The following RANBP9 variants were observed in gnomAD, a reference collection of about 807,000 sequenced individuals.
RANBP9 encodes RAN binding protein 9, also known as ran-binding protein 9.
Under a neutral mutation model 84.3 loss-of-function variants are expected in RANBP9, and 15 were observed. That is an observed-to-expected ratio of 0.18 (90% CI 0.12 to 0.27). The LOEUF (loss-of-function observed/expected upper bound fraction) is 0.27. RANBP9 is among the 10% of genes least tolerant of loss of function. The pLI is 1.00. For missense variants in RANBP9, 809 were observed against 912.8 expected (o/e 0.89, Z 1.46); for synonymous variants, 392 against 349.6 (o/e 1.12, Z -1.35).
rs986317038 is a variant in RANBP9, at chr6:13,641,008, C to T, written c.1334+191G>A. 4.6e-5 allele frequency among the ~76,000 whole-genome samples: 7 copies of T among 152,174 alleles called. No homozygotes were observed. In the East Asian group the frequency reaches 1.2e-3, roughly 25 times the overall value. ...ATAAAAGCAAATACATAGCAAAAGA[C>T]ACCTTCTGCTTATGGTCCTTAACAC... is the stretch of plus-strand genomic sequence containing the variant. On this transcript the variant is annotated intron_variant, in intron 8 of 13. Coordinates refer to ENST00000011619, the MANE Select transcript of RANBP9 (RefSeq NM_005493.3).
intron 13 of RANBP9, among the ~76,000 whole-genome samples, chr6:13,624,227 T>C (rs1764536603): frequency 1.3e-5 from 2 of 152,206 alleles, no homozygotes; most frequent in South Asian, 4.1e-4. Context: ...AATTAATAAA[T>C]TTTCTAAGGG....
chr6:13,639,796 T>C, intron 8 of RANBP9, 43 bp from the exon 9 acceptor site: 1 of 1,482,974 alleles, frequency 6.7e-7, no homozygotes, highest in Non-Finnish European at 9.3e-7. Context: ...AATCTTCAAA[T>C]GGCCTTTTAT....
At chr6:13,663,380 G>GAA (rs745998409) in intron 2 of RANBP9, among the ~76,000 whole-genome samples, 4 of 151,962 alleles carry the variant, frequency 2.6e-5, no homozygotes, top group Non-Finnish European at 4.4e-5. Flanking sequence ...TCAGATAAAA[G>GAA]AAAAACATAA....
chr6:13,695,216 AAC>A (rs1231014970), intron 2 of RANBP9, among the ~76,000 whole-genome samples: 1 of 152,100 alleles, frequency 6.6e-6, no homozygotes, highest in South Asian at 2.1e-4. Flanking sequence ...GAACCCTGAC[AAC>A]AGTTATAGAC....
intron 2 of RANBP9, among the ~76,000 whole-genome samples, chr6:13,678,656 C>T (rs1765954034): frequency 6.6e-6 from 1 of 152,190 alleles, no homozygotes; most frequent in Non-Finnish European, 1.5e-5. Context: ...TTACTCTGCC[C>T]TCCCTTGCCT....
intron 1 of RANBP9, among the ~76,000 whole-genome samples, chr6:13,698,957 T>C (rs1362333472): frequency 6.6e-6 from 1 of 152,172 alleles, no homozygotes; most frequent in Admixed American, 6.5e-5. Flanking sequence ...TTCTGACTAC[T>C]TCTACGGGAA....
At chr6:13,624,552 C>CA (rs1415514246) in intron 13 of RANBP9, among the ~76,000 whole-genome samples, 4 of 152,212 alleles carry the variant, frequency 2.6e-5, no homozygotes, top group African/African-American at 7.2e-5. Context: ...GCCCAAAACT[C>CA]AAACTTGTTT....
At chr6:13,633,874 T>C (rs1764861300) in intron 11 of RANBP9, among the ~76,000 whole-genome samples, 1 of 152,146 alleles carries the variant, frequency 6.6e-6, no homozygotes, top group Non-Finnish European at 1.5e-5. Flanking sequence ...AATTTACTAC[T>C]TAAGTTGTCT....
chr6:13,694,409 A>G (rs1285813978), intron 2 of RANBP9, among the ~76,000 whole-genome samples: 1 of 152,232 alleles, frequency 6.6e-6, no homozygotes, highest in Non-Finnish European at 1.5e-5. Flanking sequence ...AAAAGGCTAC[A>G]AACTATATGA....
rs1381086021 is a variant in RANBP9, at chr6:13,644,595, A to C, written c.1062T>G (p.Asp354Glu). 1 of 1,613,350 alleles carries C rather than the reference A, an allele frequency of 6.2e-7. No homozygotes were observed. ...CTTCTCGATCTCCGATAGGAAATCG[A>C]TCTATCTGTGCCTGGATTTTGGTTC... ...EWRTKIQAQIDRFPIGDREGE... is the reference protein window; with the variant it reads ...EWRTKIQAQIERFPIGDREGE... Residue 354 changes from aspartate to glutamate, a missense_variant, in exon 6 of 14, where the codon GAT becomes GAG. Coordinates refer to ENST00000011619, the MANE Select transcript of RANBP9 (RefSeq NM_005493.3).
chr6:13,655,026 A>C (rs948419656), intron 4 of RANBP9, among the ~76,000 whole-genome samples: 5 of 152,262 alleles, frequency 3.3e-5, no homozygotes, highest in Admixed American at 3.3e-4. Flanking sequence ...ATGTTAAGTA[A>C]TTTACATATG....
rs572226411 is a variant in RANBP9 at position 13,647,291 on chromosome 6, CA to C, written c.928-2563del. Reference sequence around the variant, plus strand: ...ATCAAGTCTCAAAATCTAATAGTAACAAACATCACTATTTTGTGTCTAGGAA... The same window carrying C: ...ATCAAGTCTCAAAATCTAATAGTAACAACATCACTATTTTGTGTCTAGGAA... On this transcript the variant is annotated intron_variant, in intron 5 of 13. Coordinates refer to ENST00000011619, the MANE Select transcript of RANBP9 (RefSeq NM_005493.3). Among the ~76,000 whole-genome samples the C allele has an allele frequency of 7.2e-5, 11 of 152,158 alleles. 1 individual carries two copies. In the East Asian group the frequency reaches 2.1e-3, roughly 29 times the overall value.
chr6:13,678,912 G>C (rs1477775876), intron 2 of RANBP9, among the ~76,000 whole-genome samples: 2 of 152,026 alleles, frequency 1.3e-5, no homozygotes, highest in Non-Finnish European at 2.9e-5. Context: ...ATAAATTTAA[G>C]TATATGCATG....
At chr6:13,677,839 C>G (rs1201364818) in intron 2 of RANBP9, among the ~76,000 whole-genome samples, 1 of 152,110 alleles carries the variant, frequency 6.6e-6, no homozygotes, top group Non-Finnish European at 1.5e-5. Context: ...AACTGCAGGC[C>G]AGGTGTGGTG....
chr6:13,639,977 C>T (rs111415119), intron 8 of RANBP9, among the ~76,000 whole-genome samples: 1 of 151,916 alleles, frequency 6.6e-6, no homozygotes, highest in Non-Finnish European at 1.5e-5. Flanking sequence ...TAATATTACC[C>T]CCTTTAATCA....
chr6:13,686,231 T>C (rs994332513), intron 2 of RANBP9, among the ~76,000 whole-genome samples: 1 of 150,576 alleles, frequency 6.6e-6, no homozygotes, highest in African/African-American at 2.4e-5. Context: ...CAGCCTCTCA[T>C]ATAGCTGGGA....
intron 2 of RANBP9, among the ~76,000 whole-genome samples, chr6:13,687,086 A>G (rs1766208355): frequency 6.6e-6 from 1 of 152,098 alleles, no homozygotes; most frequent in Non-Finnish European, 1.5e-5. Context: ...CTCCTTCTAT[A>G]TGTCCTTTAA....
At chr6:13,677,255 A>G (rs1765909340) in intron 2 of RANBP9, among the ~76,000 whole-genome samples, 1 of 152,160 alleles carries the variant, frequency 6.6e-6, no homozygotes, top group Non-Finnish European at 1.5e-5. Flanking sequence ...TTATATTAGC[A>G]CCAACAAAAA....
At chr6:13,667,138 T>G (rs770931377) in intron 2 of RANBP9, among the ~76,000 whole-genome samples, 19 of 152,306 alleles carry the variant, frequency 1.2e-4, no homozygotes, top group Non-Finnish European at 2.4e-4. Context: ...TATGTCAACG[T>G]AGATCATCAC....
Sources: allele counts gnomAD v4.1 joint callset (sites outside exome capture counted in the v4.1 genomes callset), GRCh38; gene constraint gnomAD v4.1.1; transcripts MANE v1.5; gene names NCBI Gene and HGNC (gene_info 2026-07-23, HGNC 2026-07-21).